Variants in MYH14 observed in about 807,000 individuals in gnomAD.
MYH14 encodes the protein myosin heavy chain 14.
In MYH14, 123 loss-of-function variants were observed where a neutral mutation model predicts 255.5. The observed-to-expected ratio is 0.48, with a 90% CI of 0.42 to 0.56. MYH14 has a LOEUF of 0.56. Among genes scored for constraint, MYH14 ranks in the 20% least tolerant of loss-of-function variants. MYH14 has a pLI of 0.00. For synonymous variants in MYH14, 1,095 were observed against 1,161.2 expected (o/e 0.94, Z 1.16); for missense variants, 2,423 against 2,802.3 (o/e 0.86, Z 3.06).
At chr19:50,302,113 TAA>T (rs765650409) in intron 40 of MYH14, among the ~76,000 whole-genome samples, 15 of 54,618 alleles carry the variant, frequency 2.7e-4, no homozygotes, top group South Asian at 6.9e-4. Flanking sequence ...ACCTCATCTC[TAA>T]AAAAAAAAAA....
Position 50,307,169 on chromosome 19 carries a change from G to C in MYH14, c.5787+12G>C. 1 of 1,500,180 alleles carries C rather than the reference G, an allele frequency of 6.7e-7. No individual in the cohort carries two copies. Among genetic ancestry groups the C allele is most frequent in the Non-Finnish European group, 9.1e-7 (1 of 1,102,430 alleles). 92.9% of individuals were successfully genotyped at this position (1,500,180 alleles called of 1,614,324 possible). ...AGCTCCGGGACCAGGTAAGCAGCTGGCATCATTAGGGAGCAGTGGAGAGTG... is the reference window on the plus strand; with the variant it reads ...AGCTCCGGGACCAGGTAAGCAGCTGCCATCATTAGGGAGCAGTGGAGAGTG... On this transcript the variant is annotated intron_variant, in intron 41 of 42. Coordinates refer to ENST00000642316, the MANE Select transcript of MYH14 (RefSeq NM_001145809.2).
chr19:50,224,191 G>C lies in MYH14; in HGVS notation c.717+14G>C, dbSNP rs889863316. 2.5e-5 allele frequency: 41 copies of C among 1,613,756 alleles called. No homozygotes were observed. Among genetic ancestry groups the C allele is most frequent in the Non-Finnish European group, 3.4e-5 (40 of 1,179,872 alleles). On this transcript the variant is annotated intron_variant, in intron 6 of 42. Coordinates refer to ENST00000642316, the MANE Select transcript of MYH14 (RefSeq NM_001145809.2). ...ACCGTGTCTTATGTGAGTAGCAGGGGATCACCTCGAGTCTTGCTGCCCCTA... is the reference window on the plus strand; with the variant it reads ...ACCGTGTCTTATGTGAGTAGCAGGGCATCACCTCGAGTCTTGCTGCCCCTA...
In MYH14 at chr19:50,276,201, C is replaced by T. The variant is rs1192710107; in HGVS notation, c.3678C>T (p.Leu1226=). ...ACTCCACCAACGCACAGCAGGAGCT[C>T]CGGTGAGGCCCGGTGGCAGGCCGCT... ...TLDSTNAQQE[L]RSKREQEVTE... Residue 1226 remains leucine, a splice_region_variant and synonymous_variant, in exon 28 of 43, where the codon CTC becomes CTT. Coordinates refer to ENST00000642316, the MANE Select transcript of MYH14 (RefSeq NM_001145809.2). The surrounding 1 kb of genome is among the most constrained non-coding windows in gnomAD (Gnocchi z 4.3). 1 of 1,533,958 alleles carries T rather than the reference C, an allele frequency of 6.5e-7. No individual in the cohort carries two copies. The highest frequency in any genetic ancestry group is 8.8e-7 in the Non-Finnish European group (1 of 1,138,918).
chr19:50,289,654 G>A lies in MYH14; in HGVS notation c.4965+6G>A. 1 of 1,602,304 alleles carries A rather than the reference G, an allele frequency of 6.2e-7. No individual in the cohort carries two copies. The highest frequency in any genetic ancestry group is 8.5e-7 in the Non-Finnish European group (1 of 1,175,566). On this transcript the variant is annotated splice_donor_region_variant and intron_variant, in intron 35 of 42. Coordinates refer to ENST00000642316, the MANE Select transcript of MYH14 (RefSeq NM_001145809.2). ...GGAGGCAGCTGGCCAAGCAGGTATT[G>A]TCACACAGAAGGCCACAGGGTGCCA...
intron 35 of MYH14, 48 bp downstream of exon 35, chr19:50,289,696 C>A (rs1190230553): frequency 6.5e-7 from 1 of 1,530,988 alleles, no homozygotes; most frequent in Non-Finnish European, 8.9e-7. Flanking sequence ...CTGGGGTATG[C>A]CATGGTGTGT....
intron 1 of MYH14, among the ~76,000 whole-genome samples, chr19:50,207,293 G>GAGAGAGAGAGAGAGAC: frequency 6.7e-6 from 1 of 149,878 alleles, no homozygotes; most frequent in Non-Finnish European, 1.5e-5. Context: ...GAGAGAGAGA[G>GAGAGAGAGAGAGAGAC]AGAGAGAGAG....
At position 50,293,221 on chromosome 19, in the gene MYH14, C is replaced by T. The variant is rs1267720171; in HGVS notation, c.5257-12C>T. Reference sequence around the variant, plus strand: ...CTCCTCACACCCACCGGCCACCCCTCCATCATCACAGGAACTGGCCGCCTC... The same window carrying T: ...CTCCTCACACCCACCGGCCACCCCTTCATCATCACAGGAACTGGCCGCCTC... On this transcript the variant is annotated splice_polypyrimidine_tract_variant and intron_variant, in intron 37 of 42. Coordinates refer to ENST00000642316, the MANE Select transcript of MYH14 (RefSeq NM_001145809.2). This position sits in a 1 kb window ranked among gnomAD's most constrained non-coding sequence, Gnocchi z 4.1. 3.1e-6 allele frequency: 5 copies of T among 1,593,062 alleles called. No individual in the cohort carries two copies. Among genetic ancestry groups the T allele is most frequent in the Non-Finnish European group, 4.3e-6 (5 of 1,169,630 alleles).
At chr19:50,235,187 G>A (rs200381755) in intron 10 of MYH14, among the ~76,000 whole-genome samples, 2 of 151,826 alleles carry the variant, frequency 1.3e-5, no homozygotes, top group African/African-American at 2.4e-5. Flanking sequence ...GTGAAACCCC[G>A]TCTCTACTAA....
Position 50,266,928 on chromosome 19 carries a change from G to A in MYH14, c.2746G>A (p.Ala916Thr), listed in dbSNP as rs1288887461. The A allele has an allele frequency of 6.4e-6, 10 of 1,553,690 alleles. No individual in the cohort carries two copies. Among genetic ancestry groups the A allele is most frequent in the Admixed American group, 5.9e-5 (3 of 51,126 alleles). Residue 916 changes from alanine (A) to threonine (T), a missense_variant, in exon 23 of 43, where the codon GCC becomes ACC. Ala to Thr is a moderately conservative substitution (Grantham distance 58). Coordinates refer to ENST00000642316, the MANE Select transcript of MYH14 (RefSeq NM_001145809.2). The surrounding 1 kb of genome is among the most constrained non-coding windows in gnomAD (Gnocchi z 4.1). ...GCAGGATGAGGTGCTGCAGGCACGG[G>A]CCCAGGAGCTGCAGAAAGTGCAGGA... ...TRQDEVLQAR[A>T]QELQKVQELQ...
At chr19:50,307,290 A>C (rs2036686044) in intron 41 of MYH14, 133 bp downstream of exon 41, 1 of 610,368 alleles carries the variant, frequency 1.6e-6, no homozygotes, top group African/African-American at 1.8e-5. Context: ...AACTGAATGC[A>C]GATACCATCT....
chr19:50,272,351 T>C lies in MYH14; in HGVS notation c.3296-209T>C, dbSNP rs1651544. ...GTCAGAGGGTGGAGGCATGGGCTGT[T>C]GGTGGGGATGAGGAGGAGAGGACAG... On this transcript the variant is annotated intron_variant, in intron 26 of 42. Coordinates refer to ENST00000642316, the MANE Select transcript of MYH14 (RefSeq NM_001145809.2). Among the ~76,000 whole-genome samples the C allele has an allele frequency of 0.92, 140,362 of 152,016 alleles. 64,881 individuals carry two copies. Among genetic ancestry groups the C allele is most frequent in the East Asian group, 0.96 (4,961 of 5,156 alleles).
At chr19:50,257,781 T>C (rs1206933579) in intron 18 of MYH14, among the ~76,000 whole-genome samples, 1 of 152,130 alleles carries the variant, frequency 6.6e-6, no homozygotes, top group Non-Finnish European at 1.5e-5. Flanking sequence ...AGCATAGACA[T>C]TCATCTAACC....
chr19:50,277,638 A>G (rs1351025664), intron 29 of MYH14, among the ~76,000 whole-genome samples: 1 of 151,672 alleles, frequency 6.6e-6, no homozygotes, highest in Non-Finnish European at 1.5e-5. Context: ...AAAATGGGCC[A>G]GACGTGGTGG....
At chr19:50,273,601 G>GTGTGTGTGTATGTGTGT (rs1555772397) in intron 27 of MYH14, among the ~76,000 whole-genome samples, 1 of 137,476 alleles carries the variant, frequency 7.3e-6, no homozygotes, top group African/African-American at 2.7e-5. Context: ...GAACATGGGG[G>GTGTGTGTGTATGTGTGT]GTGTGTGTGT....
intron 17 of MYH14, among the ~76,000 whole-genome samples, chr19:50,256,103 C>T (rs1355685099): frequency 2.0e-5 from 3 of 151,774 alleles, no homozygotes; most frequent in Non-Finnish European, 4.4e-5. Flanking sequence ...CACAGGAAGA[C>T]CCCGTCTCTA....
rs2033883320 is a variant in MYH14, at chr19:50,241,315, G to A, written c.1115-2927G>A. ...CTGGGCGTGTTGGCATGTGCCTGTA[G>A]TCCCAGCTACTTGGGAGGCTGAGGC... is the stretch of plus-strand genomic sequence containing the variant. On this transcript the variant is annotated intron_variant, in intron 10 of 42. Transcript: ENST00000642316. 2.6e-5 allele frequency among the ~76,000 whole-genome samples: 4 copies of A among 152,124 alleles called. No individual in the cohort carries two copies. In the South Asian group the frequency reaches 8.3e-4, roughly 32 times the overall value.
At chr19:50,285,373 C>G (rs747917391) in intron 33 of MYH14, 1 of 152,114 alleles carries the variant, frequency 6.6e-6, no homozygotes, top group African/African-American at 2.4e-5. Context: ...GTTTTCTCAC[C>G]GAGGAAGAGG....
At chr19:50,232,628 T>G in intron 10 of MYH14, among the ~76,000 whole-genome samples, 6 of 131,044 alleles carry the variant, frequency 4.6e-5, no homozygotes, top group African/African-American at 8.7e-5. Flanking sequence ...AAAAAGACCA[T>G]GAGTGCCATG....
Position 50,304,648 on chromosome 19 carries a change from C to T in MYH14, c.5679-2401C>T, listed in dbSNP as rs117627114. Among the ~76,000 whole-genome samples, 156 of 152,232 alleles carry T rather than the reference C, an allele frequency of 1.0e-3. 3 individuals carry two copies. The East Asian group carries it at 0.023, about 22-fold the overall frequency. ...TGTGCTGGTCACTGAAAAAATTAGA[C>T]GTACCATGGAAGTATGTCTAATTAC... On this transcript the variant is annotated intron_variant, in intron 40 of 42. Transcript: ENST00000642316.
Sources: gnomAD v4.1 joint callset for allele counts (sites outside exome capture counted in the v4.1 genomes callset) on GRCh38, gnomAD v4.1.1 for gene constraint, Gnocchi (gnomAD v3.1) non-coding constraint, MANE v1.5 for transcripts, NCBI Gene and HGNC (gene_info 2026-07-23, HGNC 2026-07-21) for gene names.